The following NRP2 variants were observed in gnomAD, a reference collection of about 807,000 sequenced individuals.
NRP2 encodes the protein neuropilin-2.
A neutral mutation model predicts 110.4 loss-of-function variants in NRP2; 52 were observed. The ratio of observed to expected loss-of-function variants is 0.47; its 90% CI spans 0.38 to 0.59. The LOEUF (loss-of-function observed/expected upper bound fraction) is 0.59. NRP2 is among the 20% of genes least tolerant of loss of function. The probability of loss-of-function intolerance (pLI) is 0.00; values close to 1 mark genes in which losing one functional copy is unlikely to be tolerated. For synonymous variants in NRP2, 508 were observed against 468.9 expected (o/e 1.08, Z -1.08); for missense variants, 1,049 against 1,203.0 (o/e 0.87, Z 1.89).
In NRP2 at chr2:205,683,192, C is replaced by T; in HGVS notation, c.-99C>T. On this transcript the variant is annotated 5_prime_UTR_variant, in exon 1 of 17. Coordinates refer to ENST00000357785, the MANE Select transcript of NRP2 (RefSeq NM_003872.3). ...AAACGCTGACCATTAGAAACCTCTGCATAAGACGTTGTAAGGAGGAAAATA... is the reference window on the plus strand; with the variant it reads ...AAACGCTGACCATTAGAAACCTCTGTATAAGACGTTGTAAGGAGGAAAATA... The T allele has an allele frequency of 1.2e-6, 1 of 868,056 alleles. No homozygotes were observed. The highest frequency in any genetic ancestry group is 2.6e-5 in the East Asian group (1 of 38,080). The allele number at this position is 868,056 out of a possible 1,614,324, so 53.8% of individuals were successfully genotyped here.
At chr2:205,793,384 C>A (rs73066200) in intron 16 of NRP2, among the ~76,000 whole-genome samples, 1,606 of 152,292 alleles carry the variant, frequency 0.011, 31 homozygotes, top group African/African-American at 0.037. Flanking sequence ...CTGCCTTCTT[C>A]ATGGGATTAT....
intron 1 of NRP2, among the ~76,000 whole-genome samples, chr2:205,696,699 C>T (rs529895115): frequency 7.2e-5 from 11 of 152,306 alleles, no homozygotes; most frequent in Non-Finnish European, 1.2e-4. Context: ...TTCCTGCAAA[C>T]GGCCAGTTAT....
intron 2 of NRP2, among the ~76,000 whole-genome samples, chr2:205,704,971 A>G (rs2056644872): frequency 1.3e-5 from 2 of 152,176 alleles, no homozygotes; most frequent in South Asian, 4.1e-4. Flanking sequence ...GGAGGGGATA[A>G]AGAAGAGATG....
At chr2:205,735,919 G>A (rs1034435730) in intron 7 of NRP2, among the ~76,000 whole-genome samples, 21 of 152,174 alleles carry the variant, frequency 1.4e-4, no homozygotes, top group South Asian at 2.1e-4. Context: ...TTTTAAATAC[G>A]CACACACATA....
intron 6 of NRP2, among the ~76,000 whole-genome samples, chr2:205,726,746 C>T (rs2057137155): frequency 6.6e-6 from 1 of 152,188 alleles, no homozygotes; most frequent in South Asian, 2.1e-4. Flanking sequence ...TAGTTCCACA[C>T]CAGAGCAGTG....
intron 1 of NRP2, among the ~76,000 whole-genome samples, chr2:205,697,208 G>A (rs1575548301): frequency 6.6e-6 from 1 of 152,142 alleles, no homozygotes; most frequent in South Asian, 2.1e-4. Flanking sequence ...AGGAGGGGAG[G>A]CAGGAAAGGC....
In NRP2 at chr2:205,727,931, C is replaced by G; in HGVS notation, c.1031C>G (p.Thr344Arg). 1 of 1,614,124 alleles carries G rather than the reference C, an allele frequency of 6.2e-7. No individual in the cohort carries two copies. The highest frequency in any genetic ancestry group is 8.5e-7 in the Non-Finnish European group (1 of 1,180,014). The change falls in exon 7 of 17, where the codon ACA becomes AGA. Residue 344 changes from threonine (T) to arginine (R), a missense_variant. Physicochemically the swap from Thr to Arg is moderately conservative, Grantham distance 71. Transcript: ENST00000357785. ...RFLTMLTAIA[T>R]QGAISRETQN... is the part of the protein sequence containing the mutation. The stretch of plus-strand genomic sequence containing the variant: ...TTAACCATGCTCACGGCCATCGCAA[C>G]ACAGGGAGCGATTTCCAGGGAAACA...
chr2:205,749,914 G>T, intron 11 of NRP2, 73 bp downstream of exon 11: 1 of 1,170,014 alleles, frequency 8.5e-7, no homozygotes. Context: ...GGCTGGACAG[G>T]GACCTAGTGG....
chr2:205,763,940 G>T lies in NRP2; in HGVS notation c.2307+4G>T. The T allele has an allele frequency of 6.2e-7, 1 of 1,613,844 alleles. No homozygotes were observed. Among genetic ancestry groups the T allele is most frequent in the Non-Finnish European group, 8.5e-7 (1 of 1,179,884 alleles). ...CAGCTACGACATGGAGTACCAGGTGGGGTGAGCAAAAAGGGAATCTTGTGA... is the reference window on the plus strand; with the variant it reads ...CAGCTACGACATGGAGTACCAGGTGTGGTGAGCAAAAAGGGAATCTTGTGA... On this transcript the variant is annotated splice_donor_region_variant and intron_variant, in intron 13 of 16. Transcript: ENST00000357785. This position sits in a 1 kb window ranked among gnomAD's most constrained non-coding sequence, Gnocchi z 4.0.
intron 15 of NRP2, among the ~76,000 whole-genome samples, chr2:205,786,967 A>G (rs564557940): frequency 6.6e-6 from 1 of 152,272 alleles, no homozygotes; most frequent in Non-Finnish European, 1.5e-5. Context: ...AGAATGGGGC[A>G]GTGAGCATCA....
Position 205,700,688 on chromosome 2 carries a change from T to A in NRP2, c.251+2967T>A, listed in dbSNP as rs532929863. 1.6e-4 allele frequency: 84 copies of A among 518,820 alleles called. 1 individual carries two copies. Among genetic ancestry groups the A allele is most frequent in the African/African-American group, 1.5e-3 (79 of 52,092 alleles). 32.1% of individuals were successfully genotyped at this position (518,820 alleles called of 1,614,324 possible). ...ACCTTTTCCCCTAACCGTTGCTTAT[T>A]AACTTTGTTCCATTGAAGCTTGCTG... On this transcript the variant is annotated intron_variant, in intron 2 of 16. Coordinates refer to ENST00000357785, the MANE Select transcript of NRP2 (RefSeq NM_003872.3).
At chr2:205,722,100 T>G (rs1344679469) in intron 3 of NRP2, among the ~76,000 whole-genome samples, 3 of 151,734 alleles carry the variant, frequency 2.0e-5, no homozygotes, top group Non-Finnish European at 4.4e-5. Flanking sequence ...AGTGAGCAGC[T>G]GAGTAATTGA....
chr2:205,791,296 T>A (rs2058298892), intron 15 of NRP2, among the ~76,000 whole-genome samples: 1 of 152,238 alleles, frequency 6.6e-6, no homozygotes, highest in Non-Finnish European at 1.5e-5. Context: ...GGAACAAAAC[T>A]CTGAGAGGGC....
At chr2:205,737,551 C>T (rs1026648601) in intron 7 of NRP2, among the ~76,000 whole-genome samples, 1 of 152,108 alleles carries the variant, frequency 6.6e-6, no homozygotes, top group Non-Finnish European at 1.5e-5. Flanking sequence ...ATACCACACT[C>T]AGAGTGAGAG....
chr2:205,746,706 GC>G (rs1396049649), intron 10 of NRP2, among the ~76,000 whole-genome samples: 1 of 152,140 alleles, frequency 6.6e-6, no homozygotes, highest in Non-Finnish European at 1.5e-5. Flanking sequence ...GCCCTCCTCC[GC>G]CAGAGCCCCA....
At chr2:205,705,601 T>C (rs1010898904) in intron 2 of NRP2, among the ~76,000 whole-genome samples, 1 of 152,178 alleles carries the variant, frequency 6.6e-6, no homozygotes, top group South Asian at 2.1e-4. Context: ...TAGACAACAA[T>C]AGCAAACATT....
rs60558986 is a variant in NRP2, at chr2:205,787,718, C to CTGTGTG, written c.2426-4485_2426-4480dup. ...AGAGAGGAAAGATAAAAAAAAGTGTCTGTGTGTGTGTGTGTGTGTGTGTGT... is the reference window on the plus strand; with the variant it reads ...AGAGAGGAAAGATAAAAAAAAGTGTCTGTGTGTGTGTGTGTGTGTGTGTGTGTGTGT... On this transcript the variant is annotated intron_variant, in intron 15 of 16. Coordinates refer to ENST00000357785, the MANE Select transcript of NRP2 (RefSeq NM_003872.3). Among the ~76,000 whole-genome samples the CTGTGTG allele has an allele frequency of 4.6e-3, 669 of 144,178 alleles. 8 individuals carry two copies. The highest frequency in any genetic ancestry group is 0.015 in the African/African-American group (569 of 38,908). 94.6% of individuals were successfully genotyped at this position (144,178 alleles called of 152,430 possible).
intron 7 of NRP2, among the ~76,000 whole-genome samples, chr2:205,733,286 C>T (rs183173904): frequency 7.9e-5 from 12 of 152,294 alleles, no homozygotes; most frequent in East Asian, 5.8e-4. Flanking sequence ...AGCTGAGGCG[C>T]GCCTCCCTGG....
chr2:205,684,293 G>A (rs999209042), intron 1 of NRP2, among the ~76,000 whole-genome samples: 8 of 152,294 alleles, frequency 5.3e-5, no homozygotes, highest in Non-Finnish European at 4.4e-5. Context: ...TCTAGAGTGA[G>A]CCTCCCTACC....
Sources: allele counts gnomAD v4.1 joint callset (sites outside exome capture counted in the v4.1 genomes callset), GRCh38; gene constraint gnomAD v4.1.1; non-coding constraint Gnocchi (gnomAD v3.1); transcripts MANE v1.5; gene names NCBI Gene and HGNC (gene_info 2026-07-23, HGNC 2026-07-21).